Variants in RALGPS1 observed in about 807,000 individuals in gnomAD.
RALGPS1 encodes the protein ras-specific guanine nucleotide-releasing factor RalGPS1.
RALGPS1 carries 19 observed loss-of-function variants against 78.8 expected under a neutral mutation model. That is an observed-to-expected ratio of 0.24 (90% CI 0.17 to 0.35). The LOEUF (loss-of-function observed/expected upper bound fraction) is 0.35, where lower values mean the gene tolerates loss of function less well. Ranked by LOEUF, RALGPS1 falls within the 10% of genes least tolerant of loss-of-function variation. RALGPS1 has a pLI of 1.00. For missense variants in RALGPS1, 454 were observed against 688.3 expected, an observed-to-expected ratio of 0.66 and a Z score of 3.81; for synonymous variants, 228 against 256.3, an observed-to-expected ratio of 0.89 and a Z score of 1.06.
At chr9:127,137,096 A>G (rs986919137) in intron 8 of RALGPS1, among the ~76,000 whole-genome samples, 2 of 152,220 alleles carry the variant, frequency 1.3e-5, no homozygotes, top group African/African-American at 4.8e-5. Flanking sequence ...AGCTGAAAGT[A>G]TACATGGGTA....
chr9:127,163,324 C>A (rs1460577732), intron 8 of RALGPS1, among the ~76,000 whole-genome samples: 2 of 151,814 alleles, frequency 1.3e-5, no homozygotes, highest in African/African-American at 2.4e-5. Flanking sequence ...GCACATGTAC[C>A]CTAAAACTGA....
Position 126,924,843 on chromosome 9 carries a change from A to T in RALGPS1, c.-66+9868A>T, listed in dbSNP as rs1445090691. On this transcript the variant is annotated intron_variant, in intron 1 of 18. Transcript: ENST00000259351. ...GAGGCCACAGTGGTGAAAAAAAGAC[A>T]GGCCGGGCGTGGTGGCTGACGCCTG... Among the ~76,000 whole-genome samples the T allele has an allele frequency of 2.0e-5, 3 of 152,212 alleles. No homozygotes were observed. The East Asian group carries it at 5.8e-4, about 29-fold the overall frequency.
At chr9:127,101,282 CAA>C (rs1454587679) in intron 8 of RALGPS1, among the ~76,000 whole-genome samples, 1 of 152,226 alleles carries the variant, frequency 6.6e-6, no homozygotes. Flanking sequence ...AGCCAGGGCT[CAA>C]GAGGATCACA....
intron 11 of RALGPS1, among the ~76,000 whole-genome samples, chr9:127,194,162 C>T (rs533599101): frequency 7.9e-5 from 12 of 152,340 alleles, no homozygotes; most frequent in South Asian, 2.1e-4. Context: ...TGAAAGTCTG[C>T]GTACATTACC....
Position 127,140,127 on chromosome 9 carries a change from AAG to A in RALGPS1, c.611-25941_611-25940del, listed in dbSNP as rs2057669645. 2.0e-5 allele frequency among the ~76,000 whole-genome samples: 3 copies of A among 152,130 alleles called. No individual in the cohort carries two copies. The South Asian group carries it at 6.2e-4, about 32-fold the overall frequency. ...CAGTGAGACTGTGGGAGGAAAGAAA[AAG>A]GGAGCTTTGGCTGTCTTGTTAGGGC... On this transcript the variant is annotated intron_variant, in intron 8 of 18. Transcript: ENST00000259351.
intron 4 of RALGPS1, among the ~76,000 whole-genome samples, chr9:127,018,650 A>ATG (rs1564426104): frequency 2.1e-5 from 2 of 96,188 alleles, no homozygotes; most frequent in African/African-American, 5.2e-5. Flanking sequence ...TAATGATGAT[A>ATG]ATAATAATAA....
intron 1 of RALGPS1, among the ~76,000 whole-genome samples, chr9:126,943,788 G>C (rs2036995625): frequency 6.6e-6 from 1 of 152,168 alleles, no homozygotes; most frequent in South Asian, 2.1e-4. Flanking sequence ...TCTGTAGACA[G>C]CTTCCTTCTT....
At position 127,131,541 on chromosome 9, in the gene RALGPS1, C is replaced by G. The variant is rs528337669; in HGVS notation, c.611-34528C>G. On this transcript the variant is annotated intron_variant, in intron 8 of 18. Coordinates refer to ENST00000259351, the MANE Select transcript of RALGPS1 (RefSeq NM_014636.3). ...TCTCTTTGTCCGTCTTCCATTTTAA[C>G]TGATGAGGTAGCTCAGGCTCAGAGT... Among the ~76,000 whole-genome samples the G allele has an allele frequency of 5.9e-5, 9 of 152,328 alleles. No individual in the cohort carries two copies. The South Asian group carries it at 1.7e-3, about 28-fold the overall frequency.
intron 3 of RALGPS1, among the ~76,000 whole-genome samples, chr9:126,973,610 C>T (rs981935978): frequency 3.9e-5 from 6 of 152,106 alleles, no homozygotes; most frequent in South Asian, 4.1e-4. Flanking sequence ...CCAAAATATA[C>T]GTAATATAAA....
intron 4 of RALGPS1, among the ~76,000 whole-genome samples, chr9:126,992,900 A>G (rs1053629362): frequency 1.3e-5 from 2 of 152,158 alleles, no homozygotes; most frequent in Admixed American, 6.5e-5. Context: ...AGCCTCTAGT[A>G]CAATGTTGGG....
chr9:126,956,740 C>T (rs748058671), intron 1 of RALGPS1, among the ~76,000 whole-genome samples: 1 of 152,074 alleles, frequency 6.6e-6, no homozygotes, highest in Non-Finnish European at 1.5e-5. Context: ...TGTTCTTTCT[C>T]AGACACTTAA....
At chr9:127,180,856 C>T (rs1392855707) in intron 11 of RALGPS1, among the ~76,000 whole-genome samples, 1 of 152,284 alleles carries the variant, frequency 6.6e-6, no homozygotes, top group African/African-American at 2.4e-5. Flanking sequence ...TCTTCACTCA[C>T]ATGCTCAGTG....
intron 8 of RALGPS1, among the ~76,000 whole-genome samples, chr9:127,084,544 G>C (rs187737392): frequency 2.6e-5 from 4 of 152,158 alleles, no homozygotes; most frequent in Admixed American, 1.3e-4. Context: ...TTGTGCCCCT[G>C]GGCCTGAGTC....
chr9:127,218,188 GT>G lies in RALGPS1; in HGVS notation c.1645-551del, dbSNP rs2062675709. Among the ~76,000 whole-genome samples the G allele has an allele frequency of 6.6e-6, 1 of 152,166 alleles. No individual in the cohort carries two copies. Among genetic ancestry groups the G allele is most frequent in the Non-Finnish European group, 1.5e-5 (1 of 68,036 alleles). ...CAGAAACACTCTGACCTTGGGGCTA[GT>G]GGTCCCGCCAGTAAAGGGGTCTAGG... On this transcript the variant is annotated intron_variant, in intron 18 of 18. Transcript: ENST00000259351. The surrounding 1 kb of genome is among the most constrained non-coding windows in gnomAD (Gnocchi z 4.4).
chr9:127,218,888 C>G lies in RALGPS1; in HGVS notation c.*119C>G. 8.4e-7 allele frequency: 1 copy of G among 1,184,268 alleles called. No individual in the cohort carries two copies. The highest frequency in any genetic ancestry group is 1.3e-6 in the Non-Finnish European group (1 of 793,244). 73.4% of individuals were successfully genotyped at this position (1,184,268 alleles called of 1,614,324 possible). A position where few individuals can be genotyped will look rare whatever the true frequency, so the allele number is the denominator to read the frequency against. On this transcript the variant is annotated 3_prime_UTR_variant, in exon 19 of 19. Coordinates refer to ENST00000259351, the MANE Select transcript of RALGPS1 (RefSeq NM_014636.3). This position sits in a 1 kb window ranked among gnomAD's most constrained non-coding sequence, Gnocchi z 4.4. ...GGGTGCTGGGAAACTCACAGCTGGACTCAGGGGACACGGCCTGTGGCCTCA... is the reference window on the plus strand; with the variant it reads ...GGGTGCTGGGAAACTCACAGCTGGAGTCAGGGGACACGGCCTGTGGCCTCA...
intron 18 of RALGPS1, chr9:127,217,189 C>G (rs1688351254): frequency 8.1e-7 from 1 of 1,234,904 alleles, no homozygotes; most frequent in Admixed American, 4.2e-5. Context: ...TGTAGCATGG[C>G]AAGGCTACAA....
intron 8 of RALGPS1, among the ~76,000 whole-genome samples, chr9:127,094,845 A>T (rs1187332240): frequency 6.6e-6 from 1 of 152,250 alleles, no homozygotes; most frequent in Non-Finnish European, 1.5e-5. Flanking sequence ...TGGGCAGCCC[A>T]GTCAGAAGGA....
chr9:127,080,908 A>T (rs1248465707), intron 8 of RALGPS1, among the ~76,000 whole-genome samples: 2 of 152,234 alleles, frequency 1.3e-5, no homozygotes, highest in Non-Finnish European at 2.9e-5. Flanking sequence ...AAATCTGAAA[A>T]AGTCTGAAAT....
intron 1 of RALGPS1, among the ~76,000 whole-genome samples, chr9:126,947,378 GT>G (rs1480244967): frequency 6.6e-6 from 1 of 152,200 alleles, no homozygotes; most frequent in Non-Finnish European, 1.5e-5. Flanking sequence ...GACTCTTTGA[GT>G]GCTGACATGA....
Sources: allele counts gnomAD v4.1 joint callset (sites outside exome capture counted in the v4.1 genomes callset), GRCh38; gene constraint gnomAD v4.1.1; non-coding constraint Gnocchi (gnomAD v3.1); transcripts MANE v1.5; gene names NCBI Gene and HGNC (gene_info 2026-07-23, HGNC 2026-07-21).